Variants in B3GALT1 observed in about 807,000 individuals in gnomAD.
B3GALT1 encodes the protein beta-1,3-galactosyltransferase 1, also known as UDP-Gal:betaGlcNAc beta 1,3-galactosyltransferase, polypeptide 1.
A neutral mutation model predicts 23.2 loss-of-function variants in B3GALT1; 10 were observed. The ratio of observed to expected loss-of-function variants is 0.43; its 90% CI spans 0.27 to 0.73. The LOEUF (loss-of-function observed/expected upper bound fraction) is 0.73, where lower values mean the gene tolerates loss of function less well. Ranked by LOEUF, B3GALT1 falls within the 30% of genes least tolerant of loss-of-function variation. The pLI is 0.21. For missense variants in B3GALT1, 299 were observed against 405.4 expected (o/e 0.74, Z 2.25); for synonymous variants, 156 against 141.5 (o/e 1.10, Z -0.73).
chr2:167,734,993 C>T (rs1687469821), intron 3 of B3GALT1, among the ~76,000 whole-genome samples: 1 of 152,140 alleles, frequency 6.6e-6, no homozygotes, highest in South Asian at 2.1e-4. Flanking sequence ...ATGCTGCCAT[C>T]ATTTTCTCAC....
chr2:167,342,754 T>A (rs1697168745), intron 1 of B3GALT1, among the ~76,000 whole-genome samples: 1 of 152,178 alleles, frequency 6.6e-6, no homozygotes, highest in Non-Finnish European at 1.5e-5. Flanking sequence ...CAATTCCGAT[T>A]TCCGTGTACA....
intron 3 of B3GALT1, among the ~76,000 whole-genome samples, chr2:167,673,298 T>C (rs1197810911): frequency 6.6e-6 from 1 of 152,134 alleles, no homozygotes; most frequent in Non-Finnish European, 1.5e-5. Flanking sequence ...ACCAAAGCAC[T>C]GTACTTGTTA....
At chr2:167,777,122 A>G (rs1012569378) in intron 3 of B3GALT1, among the ~76,000 whole-genome samples, 25 of 152,204 alleles carry the variant, frequency 1.6e-4, no homozygotes, top group Non-Finnish European at 2.6e-4. Flanking sequence ...CATATAGTTG[A>G]CTTTCTTGCA....
At chr2:167,688,968 C>G (rs1269296345) in intron 3 of B3GALT1, among the ~76,000 whole-genome samples, 2 of 152,044 alleles carry the variant, frequency 1.3e-5, no homozygotes, top group Non-Finnish European at 2.9e-5. Context: ...GAACCTGGAA[C>G]AGAACCAACA....
At chr2:167,537,750 T>C (rs990540092) in intron 2 of B3GALT1, among the ~76,000 whole-genome samples, 15 of 152,066 alleles carry the variant, frequency 9.9e-5, no homozygotes, top group Non-Finnish European at 2.2e-4. Flanking sequence ...TGGCTCAAAA[T>C]GATCCAAAAA....
chr2:167,366,072 A>C (rs1462896273), intron 1 of B3GALT1, among the ~76,000 whole-genome samples: 1 of 152,208 alleles, frequency 6.6e-6, no homozygotes, highest in Non-Finnish European at 1.5e-5. Flanking sequence ...ATGCACTGTA[A>C]AGTTTGAAAA....
At chr2:167,738,105 A>G (rs978218156) in intron 3 of B3GALT1, among the ~76,000 whole-genome samples, 17 of 152,338 alleles carry the variant, frequency 1.1e-4, no homozygotes, top group African/African-American at 3.6e-4. Flanking sequence ...AGAACTTACA[A>G]TGACAGTAGT....
intron 3 of B3GALT1, among the ~76,000 whole-genome samples, chr2:167,818,104 C>A (rs1258958639): frequency 1.3e-5 from 2 of 152,220 alleles, no homozygotes; most frequent in African/African-American, 2.4e-5. Context: ...GCTGGCCATC[C>A]ATGTGCCAAT....
intron 2 of B3GALT1, among the ~76,000 whole-genome samples, chr2:167,591,983 C>T (rs1034140783): frequency 1.3e-5 from 2 of 151,940 alleles, no homozygotes; most frequent in African/African-American, 4.8e-5. Context: ...AAGGTAGATC[C>T]AATAGGATTT....
intron 1 of B3GALT1, among the ~76,000 whole-genome samples, chr2:167,459,031 A>G (rs1034787583): frequency 2.6e-5 from 4 of 152,146 alleles, no homozygotes; most frequent in Non-Finnish European, 5.9e-5. Context: ...TCATCTGTAG[A>G]CAGAATGTAG....
At chr2:167,746,678 C>T (rs1490587610) in intron 3 of B3GALT1, among the ~76,000 whole-genome samples, 3 of 152,140 alleles carry the variant, frequency 2.0e-5, no homozygotes, top group Non-Finnish European at 2.9e-5. Context: ...AGCTCTGAGG[C>T]ACTTGTTTGT....
chr2:167,535,776 G>A (rs532211811), intron 2 of B3GALT1, among the ~76,000 whole-genome samples: 1 of 152,154 alleles, frequency 6.6e-6, no homozygotes, highest in South Asian at 2.1e-4. Flanking sequence ...AAAAACTCCT[G>A]TTACATAGAA....
chr2:167,775,716 T>G (rs1474035837), intron 3 of B3GALT1, among the ~76,000 whole-genome samples: 2 of 146,590 alleles, frequency 1.4e-5, no homozygotes, highest in Non-Finnish European at 1.5e-5. Context: ...AAACAGGTGC[T>G]TCCATATTCA....
chr2:167,572,502 C>T (rs1026195883), intron 2 of B3GALT1, among the ~76,000 whole-genome samples: 1 of 151,682 alleles, frequency 6.6e-6, no homozygotes, highest in Non-Finnish European at 1.5e-5. Flanking sequence ...TTAAATTTGC[C>T]ACAAACTGTA....
intron 1 of B3GALT1, among the ~76,000 whole-genome samples, chr2:167,350,146 A>T (rs980488320): frequency 6.6e-6 from 1 of 152,186 alleles, no homozygotes; most frequent in Non-Finnish European, 1.5e-5. Flanking sequence ...GTTGAAAAAG[A>T]TTTTAATTGC....
chr2:167,591,782 T>TTTG (rs914466964), intron 2 of B3GALT1, among the ~76,000 whole-genome samples: 25 of 151,962 alleles, frequency 1.6e-4, no homozygotes, highest in South Asian at 2.1e-4. Context: ...CTGACCTGTT[T>TTTG]TTGTTGTTGT....
At chr2:167,619,538 A>G (rs377538220) in intron 2 of B3GALT1, among the ~76,000 whole-genome samples, 2 of 152,092 alleles carry the variant, frequency 1.3e-5, no homozygotes, top group African/African-American at 2.4e-5. Flanking sequence ...AGACTTAAAC[A>G]TATATATTAT....
chr2:167,680,811 A>C (rs1220821676), intron 3 of B3GALT1, among the ~76,000 whole-genome samples: 1 of 152,196 alleles, frequency 6.6e-6, no homozygotes, highest in Admixed American at 6.5e-5. Context: ...ACCATTAAGA[A>C]ATTTTTATTA....
At chr2:167,660,693 C>A (rs575569844) in intron 3 of B3GALT1, among the ~76,000 whole-genome samples, 3 of 152,202 alleles carry the variant, frequency 2.0e-5, no homozygotes, top group Admixed American at 1.3e-4. Flanking sequence ...AGCCACACCC[C>A]TATAAGCAGA....
Sources: allele counts gnomAD v4.1 joint callset (sites outside exome capture counted in the v4.1 genomes callset), GRCh38; gene constraint gnomAD v4.1.1; transcripts MANE v1.5; gene names NCBI Gene and HGNC (gene_info 2026-07-23, HGNC 2026-07-21).